The following WWOX variants were observed in gnomAD, a reference collection of about 807,000 sequenced individuals.
The protein encoded by WWOX is WW domain-containing oxidoreductase.
A neutral mutation model predicts 46.2 loss-of-function variants in WWOX; 69 were observed. The ratio of observed to expected loss-of-function variants is 1.49; its 90% CI spans 1.23 to 1.82. The LOEUF (loss-of-function observed/expected upper bound fraction) is 1.82. WWOX is among the 40% of genes most tolerant of loss of function. The pLI is 0.00. For synonymous variants in WWOX, 359 were observed against 202.6 expected, an observed-to-expected ratio of 1.77 and a Z score of -6.56; for missense variants, 919 against 542.6, an observed-to-expected ratio of 1.69 and a Z score of -6.89.
At chr16:78,981,031 G>A (rs1379192238) in intron 8 of WWOX, among the ~76,000 whole-genome samples, 1 of 152,118 alleles carries the variant, frequency 6.6e-6, no homozygotes. Context: ...CGTCATCATG[G>A]GGCATTTTTG....
intron 8 of WWOX, among the ~76,000 whole-genome samples, chr16:78,707,432 G>C (rs2048348871): frequency 6.6e-6 from 1 of 152,160 alleles, no homozygotes; most frequent in African/African-American, 2.4e-5. Flanking sequence ...AAGCATCAGA[G>C]GTTCTGGACA....
intron 8 of WWOX, among the ~76,000 whole-genome samples, chr16:79,132,953 C>G (rs1040695473): frequency 6.6e-6 from 1 of 152,178 alleles, no homozygotes; most frequent in South Asian, 2.1e-4. Context: ...TTCGCCTCCT[C>G]GATCTTGCCT....
chr16:78,505,005 C>T lies in WWOX; in HGVS notation c.1056+72253C>T, dbSNP rs372088610. On this transcript the variant is annotated intron_variant, in intron 8 of 8. Coordinates refer to ENST00000566780, the MANE Select transcript of WWOX (RefSeq NM_016373.4). ...ATGCTTATGTATATGCCTTTGTGCA[C>T]GAAAGGAGATAAATGGTGTATTTCA... Among the ~76,000 whole-genome samples the T allele has an allele frequency of 7.9e-5, 12 of 152,216 alleles. No individual in the cohort carries two copies. The East Asian group carries it at 9.7e-4, about 12-fold the overall frequency.
chr16:78,961,902 C>G (rs1485989157), intron 8 of WWOX, among the ~76,000 whole-genome samples: 3 of 152,138 alleles, frequency 2.0e-5, no homozygotes, highest in Non-Finnish European at 4.4e-5. Context: ...CATCCAAGAC[C>G]TATTGCCTTC....
chr16:78,878,833 G>A (rs2656624), intron 8 of WWOX, among the ~76,000 whole-genome samples: 39,928 of 147,558 alleles, frequency 0.27, 5,736 homozygotes, highest in Middle Eastern at 0.43. Flanking sequence ...AATCCCTATG[G>A]TCTCTTGAGT....
chr16:79,114,448 GCA>G (rs1017204161), intron 8 of WWOX, among the ~76,000 whole-genome samples: 33 of 151,408 alleles, frequency 2.2e-4, no homozygotes, highest in African/African-American at 7.5e-4. Context: ...ACACACGTGT[GCA>G]CACACACAAG....
At chr16:78,871,649 G>T (rs2044131127) in intron 8 of WWOX, among the ~76,000 whole-genome samples, 1 of 152,188 alleles carries the variant, frequency 6.6e-6, no homozygotes, top group African/African-American at 2.4e-5. Context: ...GCTCAGGCTG[G>T]AGTGCAGTAG....
intron 8 of WWOX, among the ~76,000 whole-genome samples, chr16:79,150,079 G>T (rs957329701): frequency 1.3e-5 from 2 of 152,230 alleles, no homozygotes; most frequent in East Asian, 3.8e-4. Context: ...TTTTAAGGCA[G>T]TTGAGAAGAC....
At chr16:78,178,218 A>G (rs2035411175) in intron 5 of WWOX, among the ~76,000 whole-genome samples, 2 of 152,172 alleles carry the variant, frequency 1.3e-5, no homozygotes, top group Non-Finnish European at 2.9e-5. Context: ...ATTAGGGCAG[A>G]TTCAAACCTC....
intron 8 of WWOX, among the ~76,000 whole-genome samples, chr16:78,500,995 A>G (rs1264501056): frequency 1.3e-5 from 2 of 152,140 alleles, no homozygotes; most frequent in African/African-American, 4.8e-5. Context: ...CAGCCAGGGA[A>G]ATATGTTTCA....
At chr16:78,266,788 T>TTCTCTCTCTTTCTC (rs767644576) in intron 5 of WWOX, among the ~76,000 whole-genome samples, 2 of 115,532 alleles carry the variant, frequency 1.7e-5, no homozygotes, top group Non-Finnish European at 3.5e-5. Context: ...TATTCTTCTA[T>TTCTCTCTCTTTCTC]TCTCTCTCTC....
chr16:78,936,426 T>C (rs932085316), intron 8 of WWOX, among the ~76,000 whole-genome samples: 2 of 152,142 alleles, frequency 1.3e-5, no homozygotes, highest in East Asian at 3.9e-4. Context: ...CTTCTTACTC[T>C]CTAGAGCTCT....
intron 8 of WWOX, among the ~76,000 whole-genome samples, chr16:78,660,308 C>T (rs1374416172): frequency 6.6e-6 from 1 of 152,116 alleles, no homozygotes; most frequent in African/African-American, 2.4e-5. Flanking sequence ...CACTAAAGGT[C>T]CCTCTTCCCT....
rs112593269 is a variant in WWOX, at chr16:78,244,302, G to T, written c.516+80013G>T. On this transcript the variant is annotated intron_variant, in intron 5 of 8. Coordinates refer to ENST00000566780, the MANE Select transcript of WWOX (RefSeq NM_016373.4). ...CATAAGGAAGTGGTCAGTGTTTAAT[G>T]TTAGGGATCATAGATGCTGATAAAT... Among the ~76,000 whole-genome samples the T allele has an allele frequency of 1.1e-3, 167 of 152,344 alleles. 2 individuals are homozygous for T. The highest frequency in any genetic ancestry group is 3.8e-3 in the African/African-American group (157 of 41,578).
chr16:78,561,578 C>T (rs1016510007), intron 8 of WWOX, among the ~76,000 whole-genome samples: 2 of 151,540 alleles, frequency 1.3e-5, no homozygotes, highest in South Asian at 2.1e-4. Flanking sequence ...TGTATCAAAG[C>T]CCCATTTTTT....
At chr16:78,953,026 A>AT (rs34067772) in intron 8 of WWOX, among the ~76,000 whole-genome samples, 34,323 of 147,610 alleles carry the variant, frequency 0.23, 4,084 homozygotes, top group Middle Eastern at 0.36. Flanking sequence ...GCTTCCCTGG[A>AT]TTTTTTTTTT....
intron 8 of WWOX, among the ~76,000 whole-genome samples, chr16:79,013,345 G>T (rs2047350346): frequency 6.6e-6 from 1 of 152,184 alleles, no homozygotes; most frequent in Non-Finnish European, 1.5e-5. Flanking sequence ...AGTAGTACAG[G>T]GATGTGTCTG....
chr16:78,109,974 T>C, intron 3 of WWOX, 139 bp downstream of exon 3: 1 of 897,654 alleles, frequency 1.1e-6, no homozygotes, highest in East Asian at 2.7e-5. Flanking sequence ...AAGTGACTAC[T>C]TTTAACATCG....
intron 8 of WWOX, among the ~76,000 whole-genome samples, chr16:78,733,140 A>G (rs1481318573): frequency 6.6e-6 from 1 of 152,118 alleles, no homozygotes; most frequent in Non-Finnish European, 1.5e-5. Flanking sequence ...TTACGTTCAT[A>G]TTTACTTATG....
Sources: gnomAD v4.1 joint callset for allele counts (sites outside exome capture counted in the v4.1 genomes callset) on GRCh38, gnomAD v4.1.1 for gene constraint, MANE v1.5 for transcripts, NCBI Gene and HGNC (gene_info 2026-07-23, HGNC 2026-07-21) for gene names.